Variants in DEPDC5 observed in about 807,000 individuals in gnomAD.
The protein encoded by DEPDC5 is DEP domain containing 5, GATOR1 subcomplex subunit.
A neutral mutation model predicts 217.3 loss-of-function variants in DEPDC5; 73 were observed. That is an observed-to-expected ratio of 0.34 (90% confidence interval 0.28 to 0.41). The LOEUF (loss-of-function observed/expected upper bound fraction) is 0.41. Ranked by LOEUF, DEPDC5 falls within the 10% of genes least tolerant of loss-of-function variation. DEPDC5 has a pLI of 1.00. For missense variants in DEPDC5, 1,675 were observed against 2,070.1 expected, an observed-to-expected ratio of 0.81 and a Z score of 3.70; for synonymous variants, 733 against 756.7, an observed-to-expected ratio of 0.97 and a Z score of 0.51.
intron 11 of DEPDC5, 34 bp downstream of exon 11, chr22:31,792,136 T>C (rs978295667): frequency 6.6e-7 from 1 of 1,510,934 alleles, no homozygotes; most frequent in Non-Finnish European, 9.2e-7. Context: ...AGTTATGTTT[T>C]TGTTAAGCTT....
rs767892121 is a variant in DEPDC5, at chr22:31,873,291, C to T, written c.3522C>T (p.Ser1174=). 3 of 1,614,068 alleles carry T rather than the reference C, an allele frequency of 1.9e-6. No individual in the cohort carries two copies. The Admixed American group carries it at 5.0e-5, about 27-fold the overall frequency. ...QQLVASSLTS[S]STLTEILEAM... ...TGGTGGCAAGCTCCTTGACCTCATC[C>T]TCTACCCTGACAGAGATCCTGGAAG... The change falls in exon 35 of 43, where the codon TCC becomes TCT. Residue 1174 remains serine (S), a synonymous_variant. Transcript: ENST00000651528.
At chr22:31,802,896 G>C in intron 15 of DEPDC5, 58 bp downstream of exon 15, 1 of 1,493,128 alleles carries the variant, frequency 6.7e-7, no homozygotes, top group Non-Finnish European at 8.9e-7. Context: ...TTTCCCCTTA[G>C]AACTGTGAGC....
rs1363713873 is a variant in DEPDC5 at position 31,857,571 on chromosome 22, A to T, written c.3264+18A>T. The T allele has an allele frequency of 6.3e-7, 1 of 1,589,262 alleles. No individual in the cohort carries two copies. Among genetic ancestry groups the T allele is most frequent in the African/African-American group, 1.3e-5 (1 of 74,578 alleles). ...CACGAAAGGTAAAGGAAGCCGCGGTAGCAGGGAGCTGTTCTGTGCTCTCAG... is the reference window on the plus strand; with the variant it reads ...CACGAAAGGTAAAGGAAGCCGCGGTTGCAGGGAGCTGTTCTGTGCTCTCAG... On this transcript the variant is annotated intron_variant, in intron 32 of 42. Transcript: ENST00000651528.
intron 18 of DEPDC5, among the ~76,000 whole-genome samples, chr22:31,808,334 C>T (rs762257419): frequency 5.5e-4 from 84 of 151,398 alleles, no homozygotes; most frequent in Non-Finnish European, 1.0e-3. Flanking sequence ...GATCTTGGCT[C>T]ACTGTAACCT....
chr22:31,788,913 GAC>G (rs774775339), intron 10 of DEPDC5, among the ~76,000 whole-genome samples: 1 of 151,840 alleles, frequency 6.6e-6, no homozygotes, highest in Non-Finnish European at 1.5e-5. Context: ...TATTTTTAGA[GAC>G]AGTCTCGCTC....
intron 28 of DEPDC5, 151 bp downstream of exon 28, chr22:31,843,363 G>A: frequency 1.2e-6 from 1 of 852,852 alleles, no homozygotes; most frequent in Non-Finnish European, 1.8e-6. Context: ...GGTTATTTTA[G>A]GGTTATAGCT....
At chr22:31,825,779 C>A (rs965916756) in intron 24 of DEPDC5, among the ~76,000 whole-genome samples, 5 of 152,176 alleles carry the variant, frequency 3.3e-5, no homozygotes, top group African/African-American at 1.2e-4. Flanking sequence ...CCACATGTAA[C>A]CCTTTCATGG....
chr22:31,799,689 A>G (rs1458883035), intron 14 of DEPDC5, among the ~76,000 whole-genome samples: 11 of 145,516 alleles, frequency 7.6e-5, no homozygotes, highest in South Asian at 2.3e-4. Flanking sequence ...TTTAGTAGAG[A>G]TGAGGTTTCA....
intron 3 of DEPDC5, among the ~76,000 whole-genome samples, chr22:31,759,255 G>T (rs1297876966): frequency 6.6e-6 from 1 of 151,818 alleles, no homozygotes; most frequent in Non-Finnish European, 1.5e-5. Context: ...TTTTAGTAGA[G>T]ATGGGGTTTC....
intron 8 of DEPDC5, among the ~76,000 whole-genome samples, chr22:31,781,620 G>C (rs1291863246): frequency 2.0e-5 from 3 of 151,846 alleles, no homozygotes; most frequent in African/African-American, 7.3e-5. Context: ...AGTAGAGATG[G>C]GGTTTCACCA....
In DEPDC5 at chr22:31,833,938, A is replaced by G. The variant is rs1306651999; in HGVS notation, c.2128A>G (p.Lys710Glu). ...AGGTATGAATCCTAGGACCCAGAAT[A>G]AGGATTCTCTAGAGGACAGTGTTTC... is the stretch of plus-strand genomic sequence containing the variant. ...GAGMNPRTQNKDSLEDSVSTS... is the reference protein window; with the variant it reads ...GAGMNPRTQNEDSLEDSVSTS... The change falls in exon 25 of 43, where the codon AAG (lysine) becomes GAG (glutamate). Residue 710 changes from lysine (K) to glutamate (E), a missense_variant. By Grantham distance (56) the Lys-to-Glu change is moderately conservative (BLOSUM62 1). Transcript: ENST00000651528. 6.2e-7 allele frequency: 1 copy of G among 1,603,916 alleles called. No individual in the cohort carries two copies. Among genetic ancestry groups the G allele is most frequent in the East Asian group, 2.2e-5 (1 of 44,760 alleles).
intron 1 of DEPDC5, among the ~76,000 whole-genome samples, chr22:31,754,374 A>G (rs1375946766): frequency 6.6e-6 from 1 of 152,242 alleles, no homozygotes; most frequent in Non-Finnish European, 1.5e-5. Context: ...TGGGGAAGGA[A>G]CTTCTGCCTT....
intron 37 of DEPDC5, among the ~76,000 whole-genome samples, chr22:31,879,099 T>C (rs960583225): frequency 7.6e-5 from 10 of 130,842 alleles, no homozygotes; most frequent in South Asian, 6.7e-4. Context: ...TATATACACA[T>C]ATATATACAT....
In DEPDC5 at chr22:31,818,898, C is replaced by G; in HGVS notation, c.1667-124C>G. On this transcript the variant is annotated intron_variant, in intron 21 of 42. Transcript: ENST00000651528. The stretch of plus-strand genomic sequence containing the variant: ...TAGTTTGACAGTTTTGCTCATTTCT[C>G]TCACTCCCTGACATTTATAATGCCC... 13 of 943,258 alleles carry G rather than the reference C, an allele frequency of 1.4e-5. No homozygotes were observed. The South Asian group carries it at 1.5e-4, about 11-fold the overall frequency. The allele number at this position is 943,258 out of a possible 1,614,324, so 58.4% of individuals were successfully genotyped here. A position where few individuals can be genotyped will look rare whatever the true frequency, so the allele number is the denominator to read the frequency against.
At chr22:31,862,396 C>A (rs909029992) in intron 33 of DEPDC5, among the ~76,000 whole-genome samples, 23 of 152,148 alleles carry the variant, frequency 1.5e-4, no homozygotes, top group African/African-American at 5.5e-4. Context: ...AAAACCCCAT[C>A]TCTACTAAAA....
intron 7 of DEPDC5, among the ~76,000 whole-genome samples, chr22:31,775,812 C>T (rs1044076791): frequency 1.3e-5 from 2 of 151,834 alleles, no homozygotes; most frequent in Non-Finnish European, 2.9e-5. Flanking sequence ...GAGGCCAAGG[C>T]GGGCGGATCA....
Position 31,846,852 on chromosome 22 carries a change from G to T in DEPDC5, c.3040G>T (p.Gly1014Cys). Residue 1014 changes from glycine (G) to cysteine (C), a missense_variant, in exon 31 of 43, where the codon GGC becomes TGC. By Grantham distance (159) the Gly-to-Cys change is radical. Transcript: ENST00000651528. ...GCTTTAGAAAGGGACCGCCATGAAA[G>T]GCTTGCAGATGACTGGGCCCATTTC... ...RMMRKGTAMK[G>C]LQMTGPISTH... 1 of 1,614,198 alleles carries T rather than the reference G, an allele frequency of 6.2e-7. No homozygotes were observed. Among genetic ancestry groups the T allele is most frequent in the East Asian group, 2.2e-5 (1 of 44,868 alleles).
chr22:31,764,786 C>T (rs573302486), intron 4 of DEPDC5, among the ~76,000 whole-genome samples, 189 bp from the exon 5 acceptor site: 1 of 152,208 alleles, frequency 6.6e-6, no homozygotes, highest in African/African-American at 2.4e-5. Flanking sequence ...ATTGCTTAGG[C>T]TCTGGTCTTA....
At chr22:31,861,594 T>G (rs1190333782) in intron 33 of DEPDC5, among the ~76,000 whole-genome samples, 161 bp downstream of exon 33, 3 of 152,228 alleles carry the variant, frequency 2.0e-5, no homozygotes, top group Non-Finnish European at 4.4e-5. Context: ...TCCATGTTGT[T>G]TGTGGCGGCG....
Sources: allele counts gnomAD v4.1 joint callset (sites outside exome capture counted in the v4.1 genomes callset), GRCh38; gene constraint gnomAD v4.1.1; transcripts MANE v1.5; gene names NCBI Gene and HGNC (gene_info 2026-07-23, HGNC 2026-07-21).